The following ATP2B2 variants were observed in gnomAD, a reference collection of about 807,000 sequenced individuals.
ATP2B2 encodes the protein ATPase plasma membrane Ca2+ transporting 2.
A neutral mutation model predicts 120.0 loss-of-function variants in ATP2B2; 15 were observed. That is an observed-to-expected ratio of 0.12 (90% confidence interval 0.08 to 0.19). ATP2B2 has a LOEUF of 0.19. Among genes scored for constraint, ATP2B2 ranks in the 10% least tolerant of loss-of-function variants. ATP2B2 has a pLI of 1.00. For missense variants in ATP2B2, 1,045 were observed against 1,719.8 expected (o/e 0.61, Z 6.94); for synonymous variants, 694 against 700.3 (o/e 0.99, Z 0.14).
At chr3:10,494,096 C>T (rs531750651) in intron 1 of ATP2B2, among the ~76,000 whole-genome samples, 42 of 152,144 alleles carry the variant, frequency 2.8e-4, no homozygotes, top group Non-Finnish European at 1.8e-4. Context: ...ACGGGGAGCA[C>T]TGAAGACTTT....
At chr3:10,461,358 C>G (rs2064481487) in intron 1 of ATP2B2, among the ~76,000 whole-genome samples, 1 of 152,218 alleles carries the variant, frequency 6.6e-6, no homozygotes, top group South Asian at 2.1e-4. Context: ...CTCTGTGAGG[C>G]TACTGACTTG....
intron 1 of ATP2B2, among the ~76,000 whole-genome samples, chr3:10,468,574 A>G (rs1238566235): frequency 6.6e-6 from 1 of 152,222 alleles, no homozygotes; most frequent in East Asian, 1.9e-4. Flanking sequence ...GGAGTTCATC[A>G]TAGTGCAGCC....
At chr3:10,360,387 A>G (rs1420289992) in intron 12 of ATP2B2, among the ~76,000 whole-genome samples, 1 of 152,246 alleles carries the variant, frequency 6.6e-6, no homozygotes, top group Non-Finnish European at 1.5e-5. Context: ...GAATGATGTA[A>G]CAAAGTTACG....
intron 2 of ATP2B2, among the ~76,000 whole-genome samples, chr3:10,579,364 C>T (rs2068330171): frequency 6.6e-6 from 1 of 152,212 alleles, no homozygotes; most frequent in African/African-American, 2.4e-5. Flanking sequence ...TGTGCAGCTG[C>T]CCTTCACTTA....
chr3:10,411,002 G>T (rs2062592859), intron 2 of ATP2B2, among the ~76,000 whole-genome samples, 187 bp from the exon 3 acceptor site: 1 of 152,188 alleles, frequency 6.6e-6, no homozygotes, highest in South Asian at 2.1e-4. Flanking sequence ...ACCGTGCAGT[G>T]GGTTGAATGG....
chr3:10,591,405 C>T (rs2068640489), intron 2 of ATP2B2, among the ~76,000 whole-genome samples: 1 of 152,184 alleles, frequency 6.6e-6, no homozygotes, highest in South Asian at 2.1e-4. Context: ...TTCAAACACA[C>T]TAGCTGACCC....
At position 10,326,583 on chromosome 3, in the gene ATP2B2, T is replaced by A. The variant is rs2059861574; in HGVS notation, c.*2231A>T. ...GCCCCATGTTTTACACGTGCAGATC[T>A]TTCCTTCCTTGTAGGAGAGCAGTGG... On this transcript the variant is annotated 3_prime_UTR_variant, in exon 23 of 23. Transcript: ENST00000360273. 1 of 397,840 alleles carries A rather than the reference T, an allele frequency of 2.5e-6. No homozygotes were observed. Among genetic ancestry groups the A allele is most frequent in the African/African-American group, 2.1e-5 (1 of 48,634 alleles). 24.6% of individuals were successfully genotyped at this position (397,840 alleles called of 1,614,324 possible).
At chr3:10,353,816 G>A (rs889320120) in intron 14 of ATP2B2, among the ~76,000 whole-genome samples, 1 of 152,132 alleles carries the variant, frequency 6.6e-6, no homozygotes, top group Non-Finnish European at 1.5e-5. Flanking sequence ...GGACCAACGG[G>A]CTGGGCTGGG....
chr3:10,589,805 C>T (rs1478154202), intron 2 of ATP2B2, among the ~76,000 whole-genome samples: 1 of 152,158 alleles, frequency 6.6e-6, no homozygotes, highest in Non-Finnish European at 1.5e-5. Context: ...GGATGTGGAA[C>T]CACTGGAGCT....
intron 1 of ATP2B2, among the ~76,000 whole-genome samples, chr3:10,681,571 G>A (rs1165292523): frequency 6.6e-6 from 1 of 152,254 alleles, no homozygotes; most frequent in East Asian, 1.9e-4. Flanking sequence ...TGCAGGCACT[G>A]TGGTTGGTCC....
intron 1 of ATP2B2, among the ~76,000 whole-genome samples, chr3:10,495,526 T>A (rs568629559): frequency 7.9e-5 from 12 of 152,336 alleles, no homozygotes; most frequent in African/African-American, 2.6e-4. Context: ...GAGAGCTGTC[T>A]TGGTTATGAC....
At chr3:10,473,482 AT>A (rs2065090646) in intron 1 of ATP2B2, among the ~76,000 whole-genome samples, 1 of 152,134 alleles carries the variant, frequency 6.6e-6, no homozygotes, top group Admixed American at 6.5e-5. Flanking sequence ...AAATACAAAA[AT>A]CAGCTGTGTG....
intron 2 of ATP2B2, among the ~76,000 whole-genome samples, chr3:10,618,956 G>A (rs553445476): frequency 1.5e-4 from 23 of 152,284 alleles, no homozygotes; most frequent in African/African-American, 5.5e-4. Flanking sequence ...CACTGTGACA[G>A]GTTTGCAGGG....
At chr3:10,449,905 G>C in intron 1 of ATP2B2, 43 bp from the exon 2 acceptor site, 1 of 375,972 alleles carries the variant, frequency 2.7e-6, no homozygotes, top group South Asian at 2.2e-5. Flanking sequence ...CCAGGCACTG[G>C]AGGCCACATG....
chr3:10,632,666 T>C (rs1263438550), intron 1 of ATP2B2, among the ~76,000 whole-genome samples: 1 of 152,152 alleles, frequency 6.6e-6, no homozygotes, highest in Non-Finnish European at 1.5e-5. Flanking sequence ...CATGGGTGGG[T>C]CCTTTCCCCT....
At chr3:10,445,938 T>C (rs1228608495) in intron 2 of ATP2B2, among the ~76,000 whole-genome samples, 1 of 152,158 alleles carries the variant, frequency 6.6e-6, no homozygotes, top group African/African-American at 2.4e-5. Flanking sequence ...AAATGCTCCA[T>C]ATGAGACAGA....
chr3:10,462,410 T>C (rs2064531018), intron 1 of ATP2B2, among the ~76,000 whole-genome samples: 1 of 152,132 alleles, frequency 6.6e-6, no homozygotes, highest in South Asian at 2.1e-4. Context: ...CTCCCAACTC[T>C]GGTTTAGGTT....
chr3:10,485,659 G>C (rs929488269), intron 1 of ATP2B2, among the ~76,000 whole-genome samples: 1 of 152,216 alleles, frequency 6.6e-6, no homozygotes, highest in Non-Finnish European at 1.5e-5. Context: ...GGAGTGGAGT[G>C]GGGAGAGAGC....
chr3:10,408,636 T>G (rs925628032), intron 3 of ATP2B2, among the ~76,000 whole-genome samples: 1 of 152,190 alleles, frequency 6.6e-6, no homozygotes, highest in African/African-American at 2.4e-5. Flanking sequence ...TGCCCTACAG[T>G]CTAACGTAGC....
Sources: allele counts gnomAD v4.1 joint callset (sites outside exome capture counted in the v4.1 genomes callset), GRCh38; gene constraint gnomAD v4.1.1; transcripts MANE v1.5; gene names NCBI Gene and HGNC (gene_info 2026-07-23, HGNC 2026-07-21).